PRTN3: variants seen among roughly 807,000 people sequenced by gnomAD.
PRTN3 encodes myeloblastin.
A neutral mutation model predicts 20.7 loss-of-function variants in PRTN3; 22 were observed. The observed-to-expected ratio is 1.06, with a 90% CI of 0.76 to 1.52. PRTN3 has a LOEUF of 1.52. Among genes scored for constraint, PRTN3 ranks in the 40% most tolerant of loss-of-function variants. The pLI is 0.00. For missense variants in PRTN3, 378 were observed against 359.6 expected, an observed-to-expected ratio of 1.05 and a Z score of -0.41; for synonymous variants, 173 against 152.9, an observed-to-expected ratio of 1.13 and a Z score of -0.97.
intron 4 of PRTN3, among the ~76,000 whole-genome samples, chr19:846,863 C>T (rs1599285415): frequency 6.6e-6 from 1 of 152,292 alleles, no homozygotes; most frequent in East Asian, 1.9e-4. Flanking sequence ...CTGCCTCAGC[C>T]TCCTGAGTAA....
intron 3 of PRTN3, among the ~76,000 whole-genome samples, chr19:845,724 A>G (rs991017172): frequency 2.6e-5 from 4 of 151,410 alleles, no homozygotes; most frequent in Admixed American, 6.6e-5. Flanking sequence ...CAAAAAAAAA[A>G]AAAAGAAAAG....
chr19:847,795 C>T lies in PRTN3; in HGVS notation c.601-4C>T. The T allele has an allele frequency of 1.2e-6, 2 of 1,606,460 alleles. No individual in the cohort carries two copies. The highest frequency in any genetic ancestry group is 8.5e-7 in the Non-Finnish European group (1 of 1,176,104). On this transcript the variant is annotated splice_polypyrimidine_tract_variant and splice_region_variant and intron_variant, in intron 4 of 4. Coordinates refer to ENST00000234347, the MANE Select transcript of PRTN3 (RefSeq NM_002777.4). ...ATGGGTGACTGGCCGTCCCTGTCCTCCAGGGAGACTCAGGTGGCCCCCTGA... is the reference window on the plus strand; with the variant it reads ...ATGGGTGACTGGCCGTCCCTGTCCTTCAGGGAGACTCAGGTGGCCCCCTGA...
At chr19:841,221 G>T in intron 1 of PRTN3, 152 bp downstream of exon 1, 2 of 1,076,438 alleles carry the variant, frequency 1.9e-6, no homozygotes, top group Non-Finnish European at 2.7e-6. Flanking sequence ...CGGGACCAAC[G>T]CTTGCAGGGG....
At chr19:843,316 C>T in intron 1 of PRTN3, 145 bp from the exon 2 acceptor site, 2 of 805,604 alleles carry the variant, frequency 2.5e-6, no homozygotes, top group Admixed American at 3.1e-5. Context: ...CCGGCCTGGG[C>T]GCTGAGTCCT....
Position 843,544 on chromosome 19 carries a change from G to T in PRTN3, c.145G>T (p.Gly49Trp). 6.3e-7 allele frequency: 1 copy of T among 1,598,482 alleles called. No homozygotes were observed. Among genetic ancestry groups the T allele is most frequent in the East Asian group, 2.3e-5 (1 of 44,406 alleles). Residue 49 changes from glycine (G) to tryptophan (W), a missense_variant, in exon 2 of 5, where the codon GGG becomes TGG. Transcript: ENST00000234347. ...CTACATGGCCTCCCTGCAGATGCGG[G>T]GGAACCCGGGCAGCCACTTCTGCGG... Reference protein sequence around the residue: ...RPYMASLQMRGNPGSHFCGGT... With the variant: ...RPYMASLQMRWNPGSHFCGGT...
At chr19:845,307 G>C (rs1204028211) in intron 3 of PRTN3, among the ~76,000 whole-genome samples, 2 of 152,024 alleles carry the variant, frequency 1.3e-5, no homozygotes, top group Admixed American at 1.3e-4. Context: ...CCACTCATGA[G>C]CTGAGATGGG....
Position 843,544 on chromosome 19 carries a change from G to A in PRTN3, c.145G>A (p.Gly49Arg). The A allele has an allele frequency of 6.3e-7, 1 of 1,598,482 alleles. No homozygotes were observed. Among genetic ancestry groups the A allele is most frequent in the Non-Finnish European group, 8.5e-7 (1 of 1,175,162 alleles). ...RPYMASLQMRGNPGSHFCGGT... is the reference protein window; with the variant it reads ...RPYMASLQMRRNPGSHFCGGT... ...CTACATGGCCTCCCTGCAGATGCGGGGGAACCCGGGCAGCCACTTCTGCGG... is the reference window on the plus strand; with the variant it reads ...CTACATGGCCTCCCTGCAGATGCGGAGGAACCCGGGCAGCCACTTCTGCGG... Residue 49 changes from glycine to arginine, a missense_variant, in exon 2 of 5, where the codon GGG becomes AGG. Gly to Arg is a moderately radical substitution (Grantham distance 125, BLOSUM62 -2). Coordinates refer to ENST00000234347, the MANE Select transcript of PRTN3 (RefSeq NM_002777.4).
chr19:844,537 G>A (rs1401208375), intron 3 of PRTN3, among the ~76,000 whole-genome samples: 3 of 126,718 alleles, frequency 2.4e-5, no homozygotes, highest in East Asian at 2.3e-4. Context: ...CCCTGCCTGC[G>A]CCTCCGCCCG....
chr19:843,653 C>T (rs1275816304), intron 2 of PRTN3, 27 bp downstream of exon 2: 2 of 1,516,652 alleles, frequency 1.3e-6, no homozygotes, highest in Admixed American at 4.0e-5. Context: ...ACACCCCTGT[C>T]CGCCCGCCCC....
chr19:845,665 G>T (rs1301702124), intron 3 of PRTN3, among the ~76,000 whole-genome samples: 3 of 150,422 alleles, frequency 2.0e-5, no homozygotes, highest in East Asian at 2.0e-4. Context: ...AGTGAGCCGA[G>T]ATTGTGCCAC....
chr19:844,966 T>TTA lies in PRTN3; in HGVS notation c.369+932_369+933insTA, dbSNP rs71174327. On this transcript the variant is annotated intron_variant, in intron 3 of 4. Transcript: ENST00000234347. ...AAGACATTTTTTTTTTTTTTTTTTT[T>TTA]AGACAGAGTCTCACTCAGTCATCCA... Among the ~76,000 whole-genome samples the TTA allele has an allele frequency of 2.7e-5, 4 of 149,738 alleles. No homozygotes were observed. In the East Asian group the frequency reaches 7.9e-4, roughly 30 times the overall value.
chr19:844,122 C>T (rs2035483015), intron 3 of PRTN3, 88 bp downstream of exon 3: 3 of 1,467,896 alleles, frequency 2.0e-6, no homozygotes, highest in Non-Finnish European at 2.7e-6. Flanking sequence ...CATTGAGCAC[C>T]CACTGTATAC....
chr19:843,450 C>A lies in PRTN3; in HGVS notation c.62-11C>A, dbSNP rs925091505. 4.3e-5 allele frequency: 66 copies of A among 1,549,482 alleles called. 1 individual carries two copies. The highest frequency in any genetic ancestry group is 5.6e-5 in the Non-Finnish European group (64 of 1,152,524). On this transcript the variant is annotated splice_polypyrimidine_tract_variant and intron_variant, in intron 1 of 4. Coordinates refer to ENST00000234347, the MANE Select transcript of PRTN3 (RefSeq NM_002777.4). Reference sequence around the variant, plus strand: ...TGGGGGCTCCCTGACGCCTGGACTCCCCCCCTGCAGGTGCTGCCCGAGCTG... The same window carrying A: ...TGGGGGCTCCCTGACGCCTGGACTCACCCCCTGCAGGTGCTGCCCGAGCTG...
At chr19:841,175 A>C in intron 1 of PRTN3, 106 bp downstream of exon 1, 3 of 1,424,676 alleles carry the variant, frequency 2.1e-6, no homozygotes, top group Non-Finnish European at 2.9e-6. Flanking sequence ...AGCTGGGGAA[A>C]CTGAGGCAGG....
At chr19:842,172 C>A (rs1474618157) in intron 1 of PRTN3, among the ~76,000 whole-genome samples, 1 of 151,742 alleles carries the variant, frequency 6.6e-6, no homozygotes, top group South Asian at 2.1e-4. Flanking sequence ...ATTACAAGCA[C>A]ACACCACCAC....
chr19:841,188 C>A, intron 1 of PRTN3, 119 bp downstream of exon 1: 2 of 1,322,282 alleles, frequency 1.5e-6, no homozygotes, highest in Non-Finnish European at 2.1e-6. Flanking sequence ...GAGGCAGGGT[C>A]AGGGGAGACT....
intron 4 of PRTN3, among the ~76,000 whole-genome samples, chr19:847,386 G>A (rs979599520): frequency 1.3e-5 from 2 of 151,454 alleles, no homozygotes; most frequent in South Asian, 2.1e-4. Context: ...GCAGTGAGCC[G>A]AGATCACGGC....
intron 2 of PRTN3, 94 bp from the exon 3 acceptor site, chr19:843,799 G>T: frequency 6.8e-7 from 1 of 1,463,170 alleles, no homozygotes; most frequent in Non-Finnish European, 9.0e-7. Flanking sequence ...CGCCGAGGGA[G>T]GGGTCTGGGG....
chr19:846,824 C>A (rs545823244), intron 4 of PRTN3, among the ~76,000 whole-genome samples: 1 of 152,112 alleles, frequency 6.6e-6, no homozygotes, highest in Non-Finnish European at 1.5e-5. Context: ...CTCACTGCAA[C>A]CTCCACCTCC....
Sources: gnomAD v4.1 joint callset for allele counts (sites outside exome capture counted in the v4.1 genomes callset) on GRCh38, gnomAD v4.1.1 for gene constraint, MANE v1.5 for transcripts, NCBI Gene and HGNC (gene_info 2026-07-23, HGNC 2026-07-21) for gene names.